The following EAF1 variants were observed in gnomAD, a reference collection of about 807,000 sequenced individuals.
The protein encoded by EAF1 is ELL-associated factor 1.
In EAF1, 19 loss-of-function variants were observed where a neutral mutation model predicts 26.6. The ratio of observed to expected loss-of-function variants is 0.71; its 90% CI spans 0.50 to 1.05. The LOEUF (loss-of-function observed/expected upper bound fraction) is 1.05. Among genes scored for constraint, EAF1 ranks in the 50% least tolerant of loss-of-function variants. The pLI, the probability that EAF1 is intolerant of heterozygous loss-of-function variation, is 0.00. For missense variants in EAF1, 260 were observed against 335.5 expected (o/e 0.78, Z 1.76); for synonymous variants, 102 against 120.6 (o/e 0.85, Z 1.01).
chr3:15,428,659 T>G (rs1311603156), intron 1 of EAF1, among the ~76,000 whole-genome samples: 1 of 152,206 alleles, frequency 6.6e-6, no homozygotes, highest in African/African-American at 2.4e-5. Flanking sequence ...GCCGGACCTT[T>G]TTCTACATAA....
At chr3:15,432,791 A>ATT (rs879743151) in intron 3 of EAF1, among the ~76,000 whole-genome samples, 2 of 146,124 alleles carry the variant, frequency 1.4e-5, no homozygotes, top group Admixed American at 6.9e-5. Context: ...ATAATACAGT[A>ATT]TTTTTTTTTT....
At position 15,434,444 on chromosome 3, in the gene EAF1, A is replaced by G. The variant is rs201945638; in HGVS notation, c.432A>G (p.Pro144=). ...SQPPPPPPPM[P]FRAPTKPPVG... is the part of the protein sequence containing the mutation. The stretch of plus-strand genomic sequence containing the variant: ...CACCACCACCTCCACCACCTATGCC[A>G]TTCAGAGCTCCAACGAAGCCTCCAG... The change falls in exon 4 of 6, where the codon CCA becomes CCG. Residue 144 remains proline, a synonymous_variant. Transcript: ENST00000396842. 37 of 1,614,102 alleles carry G rather than the reference A, an allele frequency of 2.3e-5. No homozygotes were observed. Among genetic ancestry groups the G allele is most frequent in the Non-Finnish European group, 3.0e-5 (35 of 1,180,048 alleles).
In EAF1 at chr3:15,441,199, A is replaced by G. The variant is rs9846247; in HGVS notation, c.*2044A>G. ...ATGGTTTTTCTCTAGCACGGCTTCA[A>G]TTTTGTTCTCTGCACAAAGCCTTTG... On this transcript the variant is annotated 3_prime_UTR_variant, in exon 6 of 6. Transcript: ENST00000396842. 27,204 of 153,698 alleles carry G rather than the reference A, an allele frequency of 0.18. 4,949 individuals carry two copies. Among genetic ancestry groups the G allele is most frequent in the African/African-American group, 0.47 (19,449 of 41,434 alleles). The allele number at this position is 153,698 out of a possible 1,614,324, so 9.5% of individuals were successfully genotyped here. A position where few individuals can be genotyped will look rare whatever the true frequency, so the allele number is the denominator to read the frequency against.
rs142553630 is a variant in EAF1 at position 15,434,471 on chromosome 3, T to A, written c.459T>A (p.Val153=). 108 of 1,614,202 alleles carry A rather than the reference T, an allele frequency of 6.7e-5. No individual in the cohort carries two copies. The African/African-American group carries it at 1.4e-3, about 21-fold the overall frequency. The change falls in exon 4 of 6, where the codon GTT becomes GTA. Residue 153 remains valine (V), a synonymous_variant. Coordinates refer to ENST00000396842, the MANE Select transcript of EAF1 (RefSeq NM_033083.7). The part of the protein sequence containing the change: ...MPFRAPTKPP[V]GPKTSPLKDN... ...TCAGAGCTCCAACGAAGCCTCCAGT[T>A]GGACCCAAAACTTCTCCCTTGAAAG...
At chr3:15,437,792 A>G (rs1290992821) in intron 5 of EAF1, among the ~76,000 whole-genome samples, 2 of 152,134 alleles carry the variant, frequency 1.3e-5, no homozygotes, top group Admixed American at 6.5e-5. Context: ...TAATCCAACT[A>G]TTGTGGACCA....
Position 15,440,877 on chromosome 3 carries a change from G to C in EAF1, c.*1722G>C, listed in dbSNP as rs953016639. ...CTCAGGGAAGGTTTCACAAGGTCAT[G>C]ATCAGGAGACTTGAATTGTTACTGG... is the stretch of plus-strand genomic sequence containing the variant. On this transcript the variant is annotated 3_prime_UTR_variant, in exon 6 of 6. Coordinates refer to ENST00000396842, the MANE Select transcript of EAF1 (RefSeq NM_033083.7). The C allele has an allele frequency of 3.9e-5, 6 of 152,646 alleles. 1 individual carries two copies. The highest frequency in any genetic ancestry group is 3.9e-4 in the Admixed American group (6 of 15,288). The allele number at this position is 152,646 out of a possible 1,614,324, so 9.5% of individuals were successfully genotyped here. A position where few individuals can be genotyped will look rare whatever the true frequency, so the allele number is the denominator to read the frequency against.
rs1009460790 is a variant in EAF1 at position 15,438,990 on chromosome 3, C to G, written c.761-119C>G. On this transcript the variant is annotated intron_variant, in intron 5 of 5. Transcript: ENST00000396842. ...GATTTTCTTCCCTAAGTTGAATTAACAAGGTTTTACTGTAGTGTGATAGCC... is the reference window on the plus strand; with the variant it reads ...GATTTTCTTCCCTAAGTTGAATTAAGAAGGTTTTACTGTAGTGTGATAGCC... 4 of 904,536 alleles carry G rather than the reference C, an allele frequency of 4.4e-6. No individual in the cohort carries two copies. The African/African-American group carries it at 6.8e-5, about 15-fold the overall frequency. 56.0% of individuals were successfully genotyped at this position (904,536 alleles called of 1,614,324 possible).
intron 5 of EAF1, 104 bp downstream of exon 5, chr3:15,436,679 A>G: frequency 1.0e-6 from 1 of 975,554 alleles, no homozygotes; most frequent in Non-Finnish European, 1.5e-6. Flanking sequence ...GGCATGGGAG[A>G]GGATCTTGTT....
chr3:15,430,020 C>T lies in EAF1; in HGVS notation c.198+13C>T, dbSNP rs145949458. 8.7e-6 allele frequency: 13 copies of T among 1,498,608 alleles called. No individual in the cohort carries two copies. Among genetic ancestry groups the T allele is most frequent in the African/African-American group, 1.5e-5 (1 of 67,918 alleles). 92.8% of individuals were successfully genotyped at this position (1,498,608 alleles called of 1,614,324 possible). On this transcript the variant is annotated intron_variant, in intron 2 of 5. Transcript: ENST00000396842. ...GCCACATATCCCTGTGAGTTTATTTCATTTTTTTTTTTAATGTAAGATCAC... is the reference window on the plus strand; with the variant it reads ...GCCACATATCCCTGTGAGTTTATTTTATTTTTTTTTTTAATGTAAGATCAC...
chr3:15,430,548 C>G (rs2061796958), intron 2 of EAF1, among the ~76,000 whole-genome samples: 1 of 151,964 alleles, frequency 6.6e-6, no homozygotes, highest in African/African-American at 2.4e-5. Flanking sequence ...CCTGTCTGGA[C>G]ACCTAGCCCC....
At position 15,440,395 on chromosome 3, in the gene EAF1, G is replaced by T. The variant is rs2061858392; in HGVS notation, c.*1240G>T. 6.6e-6 allele frequency: 1 copy of T among 152,202 alleles called. No homozygotes were observed. The highest frequency in any genetic ancestry group is 2.1e-4 in the South Asian group (1 of 4,830). 9.4% of individuals were successfully genotyped at this position (152,202 alleles called of 1,614,324 possible). A position where few individuals can be genotyped will look rare whatever the true frequency, so the allele number is the denominator to read the frequency against. On this transcript the variant is annotated 3_prime_UTR_variant, in exon 6 of 6. Transcript: ENST00000396842. ...TGCTAGTCAATGTTCTATATTTAAT[G>T]AATGTGTGATAAATCATCCTGTAAT...
intron 4 of EAF1, 106 bp downstream of exon 4, chr3:15,434,644 ATGCCATC>A: frequency 8.9e-6 from 12 of 1,343,262 alleles, no homozygotes; most frequent in Admixed American, 6.1e-5. Flanking sequence ...GGGGCATTCA[ATGCCATC>A]AAAAAAATGT....
chr3:15,439,173 CCTA>C lies in EAF1; in HGVS notation c.*21_*23del. On this transcript the variant is annotated 3_prime_UTR_variant, in exon 6 of 6. Coordinates refer to ENST00000396842, the MANE Select transcript of EAF1 (RefSeq NM_033083.7). ...ATGACTAGTGCTGGATCTTTCGAAA[CCTA>C]CTTTTTGGTGCACAAACATGCCGCA... 6.2e-7 allele frequency: 1 copy of C among 1,611,232 alleles called. No individual in the cohort carries two copies. The highest frequency in any genetic ancestry group is 8.5e-7 in the Non-Finnish European group (1 of 1,178,748).
At chr3:15,434,061 A>G (rs186840729) in intron 3 of EAF1, among the ~76,000 whole-genome samples, 6 of 152,350 alleles carry the variant, frequency 3.9e-5, no homozygotes, top group Non-Finnish European at 8.8e-5. Context: ...ATGGATTTTC[A>G]TAGTTTCATT....
At position 15,440,827 on chromosome 3, in the gene EAF1, C is replaced by T. The variant is rs2061864655; in HGVS notation, c.*1672C>T. ...CTTATTTATAGTGGATTGATAATTG[C>T]TTTATAATTCCTTGGTAATGACAGC... On this transcript the variant is annotated 3_prime_UTR_variant, in exon 6 of 6. Coordinates refer to ENST00000396842, the MANE Select transcript of EAF1 (RefSeq NM_033083.7). 6.6e-6 allele frequency: 1 copy of T among 152,516 alleles called. No individual in the cohort carries two copies. Among genetic ancestry groups the T allele is most frequent in the African/African-American group, 2.4e-5 (1 of 41,386 alleles). The allele number at this position is 152,516 out of a possible 1,614,324, so 9.4% of individuals were successfully genotyped here.
intron 3 of EAF1, 53 bp downstream of exon 3, chr3:15,432,276 C>G (rs2061806572): frequency 6.3e-7 from 1 of 1,598,792 alleles, no homozygotes; most frequent in Non-Finnish European, 8.5e-7. Flanking sequence ...CCTCTGTTAT[C>G]TATTCAGTTT....
In EAF1 at chr3:15,427,610, C is replaced by G. The variant is rs1424669436; in HGVS notation, c.-170C>G. The stretch of plus-strand genomic sequence containing the variant: ...CCTCCTCAGATTCCTCTCTCACCCC[C>G]ACGCAGAGGAGAGAACTTGCTTCTG... On this transcript the variant is annotated 5_prime_UTR_variant, in exon 1 of 6. Coordinates refer to ENST00000396842, the MANE Select transcript of EAF1 (RefSeq NM_033083.7). 1.6e-6 allele frequency: 1 copy of G among 633,464 alleles called. No individual in the cohort carries two copies. Among genetic ancestry groups the G allele is most frequent in the East Asian group, 3.0e-5 (1 of 33,526 alleles). The allele number at this position is 633,464 out of a possible 1,614,324, so 39.2% of individuals were successfully genotyped here. A position where few individuals can be genotyped will look rare whatever the true frequency, so the allele number is the denominator to read the frequency against.
At chr3:15,435,084 TG>T (rs977455722) in intron 4 of EAF1, among the ~76,000 whole-genome samples, 4 of 152,048 alleles carry the variant, frequency 2.6e-5, no homozygotes, top group Non-Finnish European at 5.9e-5. Flanking sequence ...ATCTCTTTTT[TG>T]GGGGGAAAAA....
At chr3:15,433,003 G>A (rs2061811167) in intron 3 of EAF1, 1 of 151,130 alleles carries the variant, frequency 6.6e-6, no homozygotes. Flanking sequence ...ACCATTTATT[G>A]AGGGGGTATC....
Sources: gnomAD v4.1 joint callset for allele counts (sites outside exome capture counted in the v4.1 genomes callset) on GRCh38, gnomAD v4.1.1 for gene constraint, MANE v1.5 for transcripts, NCBI Gene and HGNC (gene_info 2026-07-23, HGNC 2026-07-21) for gene names.